The following WWOX variants were observed in gnomAD, a reference collection of about 807,000 sequenced individuals.
WWOX encodes WW domain containing oxidoreductase.
WWOX carries 69 observed loss-of-function variants against 46.2 expected under a neutral mutation model. The ratio of observed to expected loss-of-function variants is 1.49; its 90% CI spans 1.23 to 1.82. WWOX has a LOEUF of 1.82. Among genes scored for constraint, WWOX ranks in the 40% most tolerant of loss-of-function variants. WWOX has a pLI of 0.00. For missense variants in WWOX, 919 were observed against 542.6 expected (o/e 1.69, Z -6.89); for synonymous variants, 359 against 202.6 (o/e 1.77, Z -6.56).
At chr16:78,890,433 G>T (rs35784565) in intron 8 of WWOX, 52,850 of 151,490 alleles carry the variant, frequency 0.35, 10,591 homozygotes, top group Non-Finnish European at 0.44. Context: ...CACCCTATCT[G>T]GGCCTTCTGA....
intron 8 of WWOX, among the ~76,000 whole-genome samples, chr16:78,736,848 A>G (rs1285825560): frequency 6.6e-6 from 1 of 152,080 alleles, no homozygotes; most frequent in Non-Finnish European, 1.5e-5. Context: ...GGCTCATACA[A>G]TTCCCCTGCC....
chr16:78,694,808 G>C (rs1310982290), intron 8 of WWOX, among the ~76,000 whole-genome samples: 2 of 151,434 alleles, frequency 1.3e-5, no homozygotes, highest in Non-Finnish European at 2.9e-5. Flanking sequence ...TTTAAGTCCT[G>C]AATCACCCCA....
chr16:78,546,735 A>T (rs564413892), intron 8 of WWOX, among the ~76,000 whole-genome samples: 103 of 152,222 alleles, frequency 6.8e-4, no homozygotes, highest in Non-Finnish European at 1.3e-3. Context: ...TTGTCCATGA[A>T]CCACACTTTG....
chr16:78,840,445 A>G (rs149755080), intron 8 of WWOX, among the ~76,000 whole-genome samples: 19 of 152,352 alleles, frequency 1.2e-4, no homozygotes, highest in Admixed American at 7.2e-4. Context: ...CAGCACAGTT[A>G]CAATGAAGAG....
intron 8 of WWOX, among the ~76,000 whole-genome samples, chr16:78,524,622 T>C (rs925669422): frequency 4.0e-5 from 6 of 151,838 alleles, no homozygotes; most frequent in Non-Finnish European, 8.8e-5. Flanking sequence ...GGTTTCACCA[T>C]GTTGGCCAAA....
intron 8 of WWOX, among the ~76,000 whole-genome samples, chr16:78,841,508 G>C (rs557052857): frequency 1.3e-5 from 2 of 152,314 alleles, no homozygotes; most frequent in East Asian, 3.9e-4. Flanking sequence ...TAATAAGGAT[G>C]ATTGTTTTAG....
At chr16:78,439,368 A>G (rs1217853104) in intron 8 of WWOX, among the ~76,000 whole-genome samples, 4 of 152,164 alleles carry the variant, frequency 2.6e-5, no homozygotes, top group African/African-American at 9.7e-5. Flanking sequence ...GTTGTCTGTC[A>G]ACAGAAGGAC....
At chr16:78,915,551 T>G (rs1292093685) in intron 8 of WWOX, among the ~76,000 whole-genome samples, 2 of 152,132 alleles carry the variant, frequency 1.3e-5, no homozygotes, top group East Asian at 1.9e-4. Flanking sequence ...GGACTGGGCA[T>G]TTGAAGATTT....
chr16:78,547,484 C>G (rs756956287), intron 8 of WWOX, among the ~76,000 whole-genome samples: 12 of 152,184 alleles, frequency 7.9e-5, no homozygotes, highest in Non-Finnish European at 1.2e-4. Flanking sequence ...GTGCTCTAGA[C>G]ACTGTATTAG....
At chr16:78,987,452 T>C (rs1244463266) in intron 8 of WWOX, among the ~76,000 whole-genome samples, 3 of 152,260 alleles carry the variant, frequency 2.0e-5, no homozygotes, top group Non-Finnish European at 4.4e-5. Context: ...TTTTTCTTTT[T>C]TCTAGCAACT....
intron 8 of WWOX, among the ~76,000 whole-genome samples, chr16:78,746,885 T>C (rs544841794): frequency 1.3e-5 from 2 of 152,292 alleles, no homozygotes; most frequent in African/African-American, 4.8e-5. Flanking sequence ...TTGTTTGTTA[T>C]GCGGCAGTAT....
At chr16:78,832,759 A>G (rs897308177) in intron 8 of WWOX, among the ~76,000 whole-genome samples, 1 of 152,184 alleles carries the variant, frequency 6.6e-6, no homozygotes, top group South Asian at 2.1e-4. Flanking sequence ...ACAGGCCAGC[A>G]GGTGAGTTGG....
At chr16:78,740,514 G>C (rs565988527) in intron 8 of WWOX, among the ~76,000 whole-genome samples, 1 of 152,304 alleles carries the variant, frequency 6.6e-6, no homozygotes, top group East Asian at 1.9e-4. Flanking sequence ...GAAGATCCCT[G>C]TTTAGGAGCT....
In WWOX at chr16:79,155,892, G is replaced by T. The variant is rs74897265; in HGVS notation, c.1057-55716G>T. On this transcript the variant is annotated intron_variant, in intron 8 of 8. Coordinates refer to ENST00000566780, the MANE Select transcript of WWOX (RefSeq NM_016373.4). ...AGAAAGGGAGGGAGGAGGAATTCCA[G>T]TTGTTTTTTTTTTAATCTAGGTACA... Among the ~76,000 whole-genome samples, 49 of 148,286 alleles carry T rather than the reference G, an allele frequency of 3.3e-4. No homozygotes were observed. The East Asian group carries it at 9.4e-3, about 28-fold the overall frequency.
At chr16:78,902,211 G>A (rs1480809238) in intron 8 of WWOX, among the ~76,000 whole-genome samples, 1 of 152,198 alleles carries the variant, frequency 6.6e-6, no homozygotes, top group Non-Finnish European at 1.5e-5. Context: ...ACCATCCTGT[G>A]TGCTGTAGTG....
intron 8 of WWOX, among the ~76,000 whole-genome samples, chr16:79,138,334 C>T (rs1222490686): frequency 6.6e-6 from 1 of 152,132 alleles, no homozygotes; most frequent in Non-Finnish European, 1.5e-5. Flanking sequence ...CACTTCTCAA[C>T]TTGGGAGTCC....
intron 6 of WWOX, among the ~76,000 whole-genome samples, chr16:78,394,049 G>C (rs1199068594): frequency 1.3e-5 from 2 of 151,978 alleles, no homozygotes; most frequent in Non-Finnish European, 2.9e-5. Context: ...TAGGGAAGTG[G>C]GTGGGCTATA....
intron 5 of WWOX, among the ~76,000 whole-genome samples, chr16:78,188,059 C>T (rs192511149): frequency 6.6e-6 from 1 of 152,208 alleles, no homozygotes; most frequent in African/African-American, 2.4e-5. Context: ...GTTTCTTATT[C>T]AATCGATTAA....
chr16:78,853,506 C>T (rs968877736), intron 8 of WWOX, among the ~76,000 whole-genome samples: 5 of 152,186 alleles, frequency 3.3e-5, no homozygotes, highest in African/African-American at 1.2e-4. Context: ...TTTCAGCAAA[C>T]ATTCCATAAC....
Sources: allele counts gnomAD v4.1 joint callset (sites outside exome capture counted in the v4.1 genomes callset), GRCh38; gene constraint gnomAD v4.1.1; transcripts MANE v1.5; gene names NCBI Gene and HGNC (gene_info 2026-07-23, HGNC 2026-07-21).